The following NOL4 variants were observed in gnomAD, a reference collection of about 807,000 sequenced individuals.
The protein encoded by NOL4 is cancer/testis antigen 125.
A neutral mutation model predicts 75.9 loss-of-function variants in NOL4; 17 were observed. That is an observed-to-expected ratio of 0.22 (90% CI 0.15 to 0.34). The LOEUF is 0.34. NOL4 is among the 10% of genes least tolerant of loss of function. NOL4 has a pLI of 1.00. For missense variants in NOL4, 614 were observed against 793.5 expected (o/e 0.77, Z 2.72); for synonymous variants, 292 against 289.9 (o/e 1.01, Z -0.07).
At position 33,972,645 on chromosome 18, in the gene NOL4, T is replaced by C. The variant is rs183483767; in HGVS notation, c.1057-14227A>G. Reference sequence around the variant, plus strand: ...AGGCATACATTGGAGATATTGCAGGTTGGGTTTTCAACCACTGCAATAAAG... The same window carrying C: ...AGGCATACATTGGAGATATTGCAGGCTGGGTTTTCAACCACTGCAATAAAG... On this transcript the variant is annotated intron_variant, in intron 6 of 10. Coordinates refer to ENST00000261592, the MANE Select transcript of NOL4 (RefSeq NM_003787.5). Among the ~76,000 whole-genome samples, 11 of 152,292 alleles carry C rather than the reference T, an allele frequency of 7.2e-5. No individual in the cohort carries two copies. The East Asian group carries it at 2.1e-3, about 29-fold the overall frequency.
chr18:34,159,354 G>GC (rs2031056687), intron 1 of NOL4, among the ~76,000 whole-genome samples: 1 of 152,084 alleles, frequency 6.6e-6, no homozygotes, highest in Admixed American at 6.5e-5. Context: ...GACGTCCCCC[G>GC]CCACCAGTAC....
intron 9 of NOL4, among the ~76,000 whole-genome samples, chr18:33,928,796 A>C (rs957232950): frequency 6.6e-6 from 1 of 152,148 alleles, no homozygotes; most frequent in Admixed American, 6.6e-5. Context: ...CTTGGTATGT[A>C]CTTACATAAG....
intron 6 of NOL4, among the ~76,000 whole-genome samples, chr18:33,987,368 A>G (rs2072544340): frequency 6.6e-6 from 1 of 152,060 alleles, no homozygotes; most frequent in Non-Finnish European, 1.5e-5. Flanking sequence ...CACGAGAATG[A>G]CTGGAAAGCA....
chr18:33,856,080 C>G (rs888844450), intron 10 of NOL4, among the ~76,000 whole-genome samples: 1 of 152,024 alleles, frequency 6.6e-6, no homozygotes. Flanking sequence ...AACGCAGGCA[C>G]GCTTTGTGTC....
intron 5 of NOL4, among the ~76,000 whole-genome samples, chr18:34,082,966 TAAC>T (rs763378442): frequency 6.6e-6 from 1 of 152,198 alleles, no homozygotes; most frequent in Non-Finnish European, 1.5e-5. Context: ...GCCAAAGACA[TAAC>T]AATGCAGTGG....
intron 9 of NOL4, among the ~76,000 whole-genome samples, chr18:33,915,094 T>C (rs1057014680): frequency 1.1e-4 from 17 of 152,150 alleles, no homozygotes; most frequent in Non-Finnish European, 1.6e-4. Flanking sequence ...TATGTTGTTT[T>C]AAAAGTAAAT....
At chr18:33,853,085 C>A in intron 10 of NOL4, 50 bp from the exon 11 acceptor site, 1 of 1,479,518 alleles carries the variant, frequency 6.8e-7, no homozygotes, top group Non-Finnish European at 9.2e-7. Context: ...TTTGTTCCAG[C>A]ATCTTGGATG....
At chr18:34,046,303 T>C (rs1247187746) in intron 5 of NOL4, among the ~76,000 whole-genome samples, 1 of 151,946 alleles carries the variant, frequency 6.6e-6, no homozygotes, top group Non-Finnish European at 1.5e-5. Context: ...AGAGAGAATC[T>C]GACGATGGAG....
intron 1 of NOL4, among the ~76,000 whole-genome samples, chr18:34,214,217 G>A (rs1238056625): frequency 6.6e-6 from 1 of 152,136 alleles, no homozygotes; most frequent in Admixed American, 6.5e-5. Context: ...CTCAGGCAGT[G>A]CATAAGATAA....
chr18:34,182,628 C>T (rs34691255), intron 1 of NOL4, among the ~76,000 whole-genome samples: 25,996 of 151,470 alleles, frequency 0.17, 2,774 homozygotes, highest in East Asian at 0.35. Context: ...AATTTATTAT[C>T]AACTGAGTGC....
At chr18:33,889,430 G>A (rs748317040) in intron 9 of NOL4, among the ~76,000 whole-genome samples, 3 of 152,026 alleles carry the variant, frequency 2.0e-5, no homozygotes, top group Admixed American at 6.6e-5. Context: ...AGGACCAGAC[G>A]GATTCTGGTA....
intron 1 of NOL4, among the ~76,000 whole-genome samples, chr18:34,184,004 A>G (rs2034255008): frequency 6.6e-6 from 1 of 151,824 alleles, no homozygotes; most frequent in Non-Finnish European, 1.5e-5. Flanking sequence ...TGTATTCAAG[A>G]TAAAAAAATG....
intron 8 of NOL4, among the ~76,000 whole-genome samples, chr18:33,956,272 T>C (rs1001503548): frequency 1.3e-5 from 2 of 152,162 alleles, no homozygotes; most frequent in Admixed American, 6.5e-5. Context: ...ACTTAACTCA[T>C]TGGGTTTCTA....
chr18:33,895,725 A>G (rs1219032131), intron 9 of NOL4, among the ~76,000 whole-genome samples: 1 of 152,152 alleles, frequency 6.6e-6, no homozygotes, highest in East Asian at 1.9e-4. Flanking sequence ...CGCTGGAAGC[A>G]TTTCTTTTGA....
intron 1 of NOL4, among the ~76,000 whole-genome samples, chr18:34,135,423 G>A (rs1324824074): frequency 1.3e-5 from 2 of 152,066 alleles, no homozygotes; most frequent in African/African-American, 4.8e-5. Context: ...TCACAGCGGG[G>A]TGCGGTGGCT....
intron 9 of NOL4, among the ~76,000 whole-genome samples, chr18:33,934,176 G>T (rs958846467): frequency 6.6e-6 from 1 of 151,986 alleles, no homozygotes; most frequent in Non-Finnish European, 1.5e-5. Flanking sequence ...TGAGCAGTAG[G>T]CCTCAACAGT....
chr18:33,976,821 T>C (rs1456617049), intron 6 of NOL4, among the ~76,000 whole-genome samples: 1 of 152,160 alleles, frequency 6.6e-6, no homozygotes, highest in Non-Finnish European at 1.5e-5. Flanking sequence ...ATTATAATAT[T>C]GTATTGATTT....
At chr18:34,014,618 T>G (rs1600253191) in intron 6 of NOL4, among the ~76,000 whole-genome samples, 1 of 151,942 alleles carries the variant, frequency 6.6e-6, no homozygotes, top group Non-Finnish European at 1.5e-5. Context: ...GCTAATCCCT[T>G]AACACTTCCT....
intron 6 of NOL4, among the ~76,000 whole-genome samples, chr18:33,964,434 CAAGAAAGAAAGA>C (rs541145011): frequency 7.6e-6 from 1 of 132,088 alleles, no homozygotes; most frequent in Non-Finnish European, 1.6e-5. Flanking sequence ...AACTCACCAT[CAAGAAAGAAAGA>C]AAGAAAGAGA....
Sources: allele counts gnomAD v4.1 joint callset (sites outside exome capture counted in the v4.1 genomes callset), GRCh38; gene constraint gnomAD v4.1.1; transcripts MANE v1.5; gene names NCBI Gene and HGNC (gene_info 2026-07-23, HGNC 2026-07-21).